The following TLL1 variants were observed in gnomAD, a reference collection of about 807,000 sequenced individuals.
TLL1 encodes tolloid like 1, also known as tolloid-like protein 1.
Under a neutral mutation model 128.2 loss-of-function variants are expected in TLL1, and 49 were observed. That is an observed-to-expected ratio of 0.38 (90% CI 0.30 to 0.48). The LOEUF (loss-of-function observed/expected upper bound fraction) is 0.48. Among genes scored for constraint, TLL1 ranks in the 20% least tolerant of loss-of-function variants. The probability of loss-of-function intolerance (pLI) is 0.96; values close to 1 mark genes in which losing one functional copy is unlikely to be tolerated. For missense variants in TLL1, 1,123 were observed against 1,242.0 expected, an observed-to-expected ratio of 0.90 and a Z score of 1.44; for synonymous variants, 454 against 418.8, an observed-to-expected ratio of 1.08 and a Z score of -1.03.
At chr4:165,948,118 T>A (rs1001618324) in intron 1 of TLL1, among the ~76,000 whole-genome samples, 1 of 152,122 alleles carries the variant, frequency 6.6e-6, no homozygotes, top group African/African-American at 2.4e-5. Context: ...AAACCTAATG[T>A]ATTTTGCTGA....
At chr4:165,889,706 G>A (rs1489142007) in intron 1 of TLL1, among the ~76,000 whole-genome samples, 4 of 152,160 alleles carry the variant, frequency 2.6e-5, no homozygotes, top group East Asian at 3.9e-4. Flanking sequence ...TTGATGCTTA[G>A]GTGATACTTA....
intron 8 of TLL1, among the ~76,000 whole-genome samples, chr4:166,017,583 A>G (rs866453663): frequency 6.6e-6 from 1 of 152,134 alleles, no homozygotes; most frequent in Non-Finnish European, 1.5e-5. Flanking sequence ...CTTTCTCTAC[A>G]GCCTTGCAGG....
intron 18 of TLL1, among the ~76,000 whole-genome samples, chr4:166,086,981 G>A (rs1192966735): frequency 1.3e-5 from 2 of 151,892 alleles, no homozygotes; most frequent in Non-Finnish European, 2.9e-5. Context: ...AGATGCTTGG[G>A]GAAAAAAAAG....
chr4:165,984,619 G>A lies in TLL1; in HGVS notation c.170-4762G>A, dbSNP rs546198591. On this transcript the variant is annotated intron_variant, in intron 1 of 20. Coordinates refer to ENST00000061240, the MANE Select transcript of TLL1 (RefSeq NM_012464.5). ...AAAGCAGAAAGCTTAAACTGTATATGGAAAAAGTGTAATGAACAAATGCTC... is the reference window on the plus strand; with the variant it reads ...AAAGCAGAAAGCTTAAACTGTATATAGAAAAAGTGTAATGAACAAATGCTC... 4.2e-3 allele frequency among the ~76,000 whole-genome samples: 633 copies of A among 151,928 alleles called. 3 individuals are homozygous for A. The highest frequency in any genetic ancestry group is 7.5e-3 in the Non-Finnish European group (512 of 67,872).
intron 1 of TLL1, among the ~76,000 whole-genome samples, chr4:165,969,974 C>T (rs1379176961): frequency 1.3e-5 from 2 of 152,038 alleles, no homozygotes; most frequent in African/African-American, 2.4e-5. Flanking sequence ...TTTGTAGTTC[C>T]TACACGGATT....
intron 6 of TLL1, among the ~76,000 whole-genome samples, chr4:166,005,561 T>C (rs1737384345): frequency 6.6e-6 from 1 of 151,348 alleles, no homozygotes; most frequent in Non-Finnish European, 1.5e-5. Flanking sequence ...GATATCAAAA[T>C]AAGTTAAAAA....
At position 166,003,478 on chromosome 4, in the gene TLL1, T is replaced by TG; in HGVS notation, c.721dup (p.Glu241GlyfsTer11). ...GTGATAAATTTGGGATTGTTGTTCA[T>TG]GAATTGGGTCATGTGATAGGCTTTT... is the stretch of plus-strand genomic sequence containing the variant. On this transcript the variant is annotated frameshift_variant, in exon 6 of 21. Coordinates refer to ENST00000061240, the MANE Select transcript of TLL1 (RefSeq NM_012464.5). LOFTEE classifies it high-confidence loss of function. 1 of 1,614,072 alleles carries TG rather than the reference T, an allele frequency of 6.2e-7. No individual in the cohort carries two copies. Among genetic ancestry groups the TG allele is most frequent in the South Asian group, 1.1e-5 (1 of 91,084 alleles).
intron 8 of TLL1, among the ~76,000 whole-genome samples, chr4:166,023,964 T>C (rs1449797808): frequency 6.6e-6 from 1 of 152,148 alleles, no homozygotes; most frequent in Non-Finnish European, 1.5e-5. Flanking sequence ...TTGTTTAGCA[T>C]TTAACTGATC....
chr4:166,023,049 G>A (rs145398361), intron 8 of TLL1, among the ~76,000 whole-genome samples: 1,634 of 152,290 alleles, frequency 0.011, 30 homozygotes, highest in African/African-American at 0.035. Context: ...CTGGGATAAA[G>A]CTTTTGAGCT....
intron 7 of TLL1, among the ~76,000 whole-genome samples, chr4:166,009,992 C>T (rs558967497): frequency 6.6e-6 from 1 of 151,482 alleles, no homozygotes; most frequent in South Asian, 2.1e-4. Context: ...TACCTCTTCT[C>T]AGCCTCTTGC....
At chr4:166,064,935 A>G (rs1460341873) in intron 15 of TLL1, among the ~76,000 whole-genome samples, 1 of 152,066 alleles carries the variant, frequency 6.6e-6, no homozygotes, top group Non-Finnish European at 1.5e-5. Context: ...TTACATATTT[A>G]TGTAATAAGG....
At chr4:166,096,336 C>G (rs1331737776) in intron 19 of TLL1, among the ~76,000 whole-genome samples, 1 of 151,486 alleles carries the variant, frequency 6.6e-6, no homozygotes, top group African/African-American at 2.4e-5. Context: ...AAAGCAGAAG[C>G]AAAACCGGGG....
chr4:165,962,990 G>A (rs1052202039), intron 1 of TLL1, among the ~76,000 whole-genome samples: 1 of 146,014 alleles, frequency 6.8e-6, no homozygotes, highest in African/African-American at 2.6e-5. Flanking sequence ...AGGAGGCGGA[G>A]GTTATAGTGA....
chr4:165,896,479 C>CT (rs70955648), intron 1 of TLL1, among the ~76,000 whole-genome samples: 1,990 of 102,132 alleles, frequency 0.019, 37 homozygotes, highest in Middle Eastern at 0.056. Context: ...AATGGTATTT[C>CT]TTTTTTTTTT....
intron 1 of TLL1, chr4:165,919,722 A>G (rs1052987164): frequency 1.4e-5 from 6 of 434,538 alleles, no homozygotes; most frequent in Non-Finnish European, 2.8e-5. Flanking sequence ...TGGCGGGATA[A>G]TGTTGTAGTC....
rs558685288 is a variant in TLL1, at chr4:166,044,520, A to T, written c.1524+1101A>T. 446 of 1,125,160 alleles carry T rather than the reference A, an allele frequency of 4.0e-4. 3 individuals are homozygous for T. In the African/African-American group the frequency reaches 6.3e-3, roughly 16 times the overall value. The allele number at this position is 1,125,160 out of a possible 1,614,324, so 69.7% of individuals were successfully genotyped here. ...ATGTATTTCCTTTTGTTACCAAAAA[A>T]ATATATACTTTCTACTTTAATCATT... On this transcript the variant is annotated intron_variant, in intron 12 of 20. Transcript: ENST00000061240.
chr4:165,912,193 T>C (rs1242706616), intron 1 of TLL1, among the ~76,000 whole-genome samples: 1 of 152,148 alleles, frequency 6.6e-6, no homozygotes, highest in South Asian at 2.1e-4. Context: ...AAGACAATAG[T>C]CTTTCTGTTG....
intron 1 of TLL1, chr4:165,919,928 G>C: frequency 4.5e-6 from 2 of 440,480 alleles, no homozygotes; most frequent in Non-Finnish European, 9.1e-6. Flanking sequence ...ATGAGGGGAG[G>C]TCAGAGTCAA....
chr4:165,954,604 A>G (rs1734688026), intron 1 of TLL1, among the ~76,000 whole-genome samples: 1 of 152,062 alleles, frequency 6.6e-6, no homozygotes, highest in Admixed American at 6.6e-5. Context: ...AGCCACAGCT[A>G]AGATGTCAGG....
Sources: gnomAD v4.1 joint callset for allele counts (sites outside exome capture counted in the v4.1 genomes callset) on GRCh38, gnomAD v4.1.1 for gene constraint, MANE v1.5 for transcripts, NCBI Gene and HGNC (gene_info 2026-07-23, HGNC 2026-07-21) for gene names.